Variants in CDKL5 observed in about 807,000 individuals in gnomAD.
The protein encoded by CDKL5 is cyclin-dependent kinase-like 5.
In CDKL5, 8 loss-of-function variants were observed where a neutral mutation model predicts 61.7. The ratio of observed to expected loss-of-function variants is 0.13; its 90% confidence interval spans 0.08 to 0.23. CDKL5 has a LOEUF of 0.23. CDKL5 is among the 10% of genes least tolerant of loss of function. The pLI, the probability that CDKL5 is intolerant of heterozygous loss-of-function variation, is 1.00. For missense variants in CDKL5, 440 were observed against 734.5 expected (o/e 0.60, Z 4.63); for synonymous variants, 275 against 272.3 (o/e 1.01, Z -0.10).
At chrX:18,444,111 A>T (rs779188269) in intron 1 of CDKL5, among the ~76,000 whole-genome samples, 1 of 99,135 alleles carries the variant, frequency 1.0e-5, no homozygotes, top group African/African-American at 3.8e-5. Flanking sequence ...CTAGGTGTGG[A>T]TTTGTTTTAT....
intron 3 of CDKL5, among the ~76,000 whole-genome samples, chrX:18,523,445 A>G (rs1923324508): frequency 8.9e-6 from 1 of 112,161 alleles, no homozygotes; most frequent in African/African-American, 3.2e-5. Flanking sequence ...CATGTAGAGT[A>G]TATCAGAACT....
chrX:18,479,570 C>G (rs940166673), intron 1 of CDKL5, among the ~76,000 whole-genome samples: 1 of 109,402 alleles, frequency 9.1e-6, no homozygotes, highest in South Asian at 3.9e-4. Flanking sequence ...CCGCCCACCT[C>G]GGCCTCCCAA....
At chrX:18,428,854 A>G (rs1931422204) in intron 1 of CDKL5, among the ~76,000 whole-genome samples, 1 of 111,380 alleles carries the variant, frequency 9.0e-6, no homozygotes, top group African/African-American at 3.3e-5. Flanking sequence ...AACTTAGGAC[A>G]ATAATGCAAT....
At chrX:18,510,318 C>T (rs1191794552) in intron 2 of CDKL5, among the ~76,000 whole-genome samples, 1 of 111,713 alleles carries the variant, frequency 9.0e-6, no homozygotes, top group African/African-American at 3.3e-5. Context: ...CTATACCCAA[C>T]TAATTTTTGT....
At chrX:18,516,059 C>T (rs1923003264) in intron 3 of CDKL5, among the ~76,000 whole-genome samples, 1 of 110,180 alleles carries the variant, frequency 9.1e-6, no homozygotes, top group African/African-American at 3.3e-5. Flanking sequence ...ACAATCTCTG[C>T]TCACTGCAAC....
chrX:18,504,643 A>C (rs1922504806), intron 1 of CDKL5, among the ~76,000 whole-genome samples: 1 of 111,828 alleles, frequency 8.9e-6, no homozygotes, highest in South Asian at 3.7e-4. Flanking sequence ...TAAAAGTTTC[A>C]GATTTTGGCC....
At chrX:18,551,604 T>TA (rs35433049) in intron 3 of CDKL5, among the ~76,000 whole-genome samples, 3 of 102,453 alleles carry the variant, frequency 2.9e-5, no homozygotes, top group African/African-American at 1.1e-4. Flanking sequence ...TTATTATTAT[T>TA]TGAGACAGAG....
At chrX:18,556,686 C>A (rs1427113077) in intron 3 of CDKL5, among the ~76,000 whole-genome samples, 1 of 110,446 alleles carries the variant, frequency 9.1e-6, no homozygotes, top group Non-Finnish European at 1.9e-5. Flanking sequence ...AGTAGTTTCC[C>A]AGCCTGGCCA....
chrX:18,458,548 C>G (rs757213914), intron 1 of CDKL5, among the ~76,000 whole-genome samples: 4 of 111,142 alleles, frequency 3.6e-5, no homozygotes, highest in Admixed American at 9.6e-5. Flanking sequence ...AATCCCCCCC[C>G]ACCCCAAAAT....
At chrX:18,455,857 T>C (rs1474250474) in intron 1 of CDKL5, among the ~76,000 whole-genome samples, 3 of 111,894 alleles carry the variant, frequency 2.7e-5, no homozygotes, top group African/African-American at 9.7e-5. Context: ...GAAACATCAT[T>C]ATGCAGCACG....
intron 1 of CDKL5, among the ~76,000 whole-genome samples, chrX:18,467,914 A>G (rs1920977359): frequency 9.0e-6 from 1 of 111,614 alleles, no homozygotes; most frequent in Admixed American, 9.6e-5. Context: ...TAGGTGTTTG[A>G]TTAATGTCAG....
At position 18,633,215 on chromosome X, in the gene CDKL5, T is replaced by C; in HGVS notation, c.*4458T>C. The C allele has an allele frequency of 1.3e-6, 1 of 754,653 alleles. No individual in the cohort carries two copies. The highest frequency in any genetic ancestry group is 1.6e-6 in the Non-Finnish European group (1 of 639,455). 62.2% of individuals were successfully genotyped at this position (754,653 alleles called of 1,213,427 possible). On this transcript the variant is annotated 3_prime_UTR_variant, in exon 18 of 18. Coordinates refer to ENST00000623535, the MANE Select transcript of CDKL5 (RefSeq NM_001323289.2). Reference sequence around the variant, plus strand: ...TCTAAGATCCACAGACTCATACTTTTGTGAACTTTGGAATGTGGTAGGGTA... The same window carrying C: ...TCTAAGATCCACAGACTCATACTTTCGTGAACTTTGGAATGTGGTAGGGTA...
At chrX:18,487,177 A>G (rs1921822861) in intron 1 of CDKL5, among the ~76,000 whole-genome samples, 2 of 112,202 alleles carry the variant, frequency 1.8e-5, no homozygotes, top group Admixed American at 1.9e-4. Flanking sequence ...GCTTTAAATG[A>G]TTACTGAGAT....
intron 1 of CDKL5, among the ~76,000 whole-genome samples, chrX:18,498,084 C>T (rs890320421): frequency 2.7e-5 from 3 of 110,905 alleles, no homozygotes; most frequent in African/African-American, 9.9e-5. Flanking sequence ...TCCGCCTCAG[C>T]CTTCCAAAGT....
At chrX:18,459,363 C>T (rs900514806) in intron 1 of CDKL5, among the ~76,000 whole-genome samples, 1 of 110,040 alleles carries the variant, frequency 9.1e-6, no homozygotes, top group African/African-American at 3.3e-5. Flanking sequence ...CGAGACCAGC[C>T]TGGCTAAAAC....
At chrX:18,523,458 A>G (rs1923324836) in intron 3 of CDKL5, among the ~76,000 whole-genome samples, 1 of 112,148 alleles carries the variant, frequency 8.9e-6, no homozygotes, top group Non-Finnish European at 1.9e-5. Context: ...TCAGAACTTC[A>G]TTCCTTTATA....
intron 6 of CDKL5, among the ~76,000 whole-genome samples, chrX:18,581,183 C>T (rs1051888003): frequency 8.9e-6 from 1 of 111,958 alleles, no homozygotes; most frequent in Non-Finnish European, 1.9e-5. Flanking sequence ...CCATTTGCAT[C>T]TCTACCATAT....
chrX:18,436,946 C>CCAGAAAATA (rs1190526696), intron 1 of CDKL5, among the ~76,000 whole-genome samples: 3 of 101,298 alleles, frequency 3.0e-5, no homozygotes, highest in Non-Finnish European at 6.1e-5. Context: ...TCTAAAACGA[C>CCAGAAAATA]CAGAAAATAG....
At chrX:18,522,331 G>GGA (rs1193887518) in intron 3 of CDKL5, among the ~76,000 whole-genome samples, 1 of 99,998 alleles carries the variant, frequency 1.0e-5, no homozygotes, top group Non-Finnish European at 2.0e-5. Context: ...TGCCCAGGCT[G>GGA]GAGCTTTTTT....
Sources: allele counts gnomAD v4.1 joint callset (sites outside exome capture counted in the v4.1 genomes callset), GRCh38; gene constraint gnomAD v4.1.1; transcripts MANE v1.5; gene names NCBI Gene and HGNC (gene_info 2026-07-23, HGNC 2026-07-21).